ADGRL2: variants seen among roughly 807,000 people sequenced by gnomAD.
ADGRL2 encodes the protein adhesion G protein-coupled receptor L2, also known as calcium-independent alpha-latrotoxin receptor 2.
Under a neutral mutation model 157.4 loss-of-function variants are expected in ADGRL2, and 44 were observed. The ratio of observed to expected loss-of-function variants is 0.28; its 90% CI spans 0.22 to 0.36. The LOEUF (loss-of-function observed/expected upper bound fraction) is 0.36, where lower values mean the gene tolerates loss of function less well. Among genes scored for constraint, ADGRL2 ranks in the 10% least tolerant of loss-of-function variants. The pLI is 1.00. For synonymous variants in ADGRL2, 585 were observed against 624.7 expected (o/e 0.94, Z 0.95); for missense variants, 1,510 against 1,768.9 (o/e 0.85, Z 2.63).
At chr1:81,885,916 C>A (rs960124062) in intron 2 of ADGRL2, among the ~76,000 whole-genome samples, 1 of 152,112 alleles carries the variant, frequency 6.6e-6, no homozygotes, top group African/African-American at 2.4e-5. Context: ...TTAGGCTTAA[C>A]ATGTAGTTTT....
At chr1:81,550,470 G>A (rs528920505) in intron 2 of ADGRL2, among the ~76,000 whole-genome samples, 299 of 152,174 alleles carry the variant, frequency 2.0e-3, no homozygotes, top group African/African-American at 7.1e-3. Context: ...TATTCACAGT[G>A]GAAAAATTCT....
chr1:81,318,428 T>C (rs866687498), intron 1 of ADGRL2, among the ~76,000 whole-genome samples: 11 of 152,312 alleles, frequency 7.2e-5, no homozygotes, highest in South Asian at 2.1e-4. Context: ...AAACAAGTTA[T>C]TTAATTCCCT....
intron 1 of ADGRL2, among the ~76,000 whole-genome samples, chr1:81,738,335 A>G (rs1472150600): frequency 2.0e-5 from 3 of 152,172 alleles, no homozygotes; most frequent in Admixed American, 6.6e-5. Context: ...ACACTCAGCA[A>G]CTATTGAAGA....
At chr1:81,758,851 A>C (rs1356998652) in intron 1 of ADGRL2, among the ~76,000 whole-genome samples, 1 of 152,204 alleles carries the variant, frequency 6.6e-6, no homozygotes, top group East Asian at 1.9e-4. Flanking sequence ...TTAGTTTTCT[A>C]AGACATTTAC....
intron 1 of ADGRL2, chr1:81,721,721 G>A (rs2149127864): frequency 1.4e-6 from 2 of 1,397,050 alleles, no homozygotes; most frequent in African/African-American, 1.4e-5. Context: ...GAACGAGCAG[G>A]CCCTTGTGAA....
At chr1:81,613,216 T>C (rs542282011) in intron 3 of ADGRL2, among the ~76,000 whole-genome samples, 4 of 152,202 alleles carry the variant, frequency 2.6e-5, no homozygotes, top group Admixed American at 6.5e-5. Context: ...GTTGTTGTGA[T>C]GATTACAAAG....
rs996960930 is a variant in ADGRL2, at chr1:81,800,934, G to C, written c.-235G>C. 6.0e-5 allele frequency among the ~76,000 whole-genome samples: 9 copies of C among 149,020 alleles called. No homozygotes were observed. The highest frequency in any genetic ancestry group is 1.9e-4 in the African/African-American group (8 of 41,098). On this transcript the variant is annotated 5_prime_UTR_variant, in exon 1 of 24. Coordinates refer to ENST00000686636, the MANE Select transcript of ADGRL2 (RefSeq NM_001366006.2). ...AGGCCGCCTCCGGGGCGCGTTCCAC[G>C]GCCGTGCGCGCGCGTCCCTCGCCGC...
chr1:81,960,403 G>A (rs1297456803), intron 11 of ADGRL2, among the ~76,000 whole-genome samples: 2 of 151,864 alleles, frequency 1.3e-5, no homozygotes, highest in Non-Finnish European at 2.9e-5. Context: ...TTTTCAGATC[G>A]GTTCCATGGT....
At chr1:81,681,283 C>G (rs1005747524) in intron 3 of ADGRL2, among the ~76,000 whole-genome samples, 2 of 152,226 alleles carry the variant, frequency 1.3e-5, no homozygotes, top group Admixed American at 1.3e-4. Context: ...TCTCATTCTT[C>G]TTGCCAGTAA....
intron 2 of ADGRL2, among the ~76,000 whole-genome samples, chr1:81,500,164 A>C (rs1425993724): frequency 6.6e-6 from 1 of 152,212 alleles, no homozygotes; most frequent in Non-Finnish European, 1.5e-5. Context: ...AAGTGTTAAC[A>C]AGGATGTGAA....
chr1:81,451,645 A>C (rs2077704289), intron 2 of ADGRL2, among the ~76,000 whole-genome samples: 1 of 152,140 alleles, frequency 6.6e-6, no homozygotes, highest in Non-Finnish European at 1.5e-5. Context: ...CCAAGTAATC[A>C]GTAGGAGATT....
In ADGRL2 at chr1:81,427,268, G is replaced by C. The variant is rs181685075; in HGVS notation, c.-301-17768G>C. The C allele has an allele frequency of 8.7e-5, 65 of 744,968 alleles. 1 individual carries two copies. Among genetic ancestry groups the C allele is most frequent in the African/African-American group, 6.0e-4 (35 of 58,686 alleles). 46.1% of individuals were successfully genotyped at this position (744,968 alleles called of 1,614,324 possible). On this transcript the variant is annotated intron_variant, in intron 1 of 24. Coordinates refer to the ADGRL2 transcript ENST00000370721. ...TGGCAGCGGAAATAGTTATGAAGGA[G>C]GTGATGGTGGATATAATGGACTTAG...
chr1:81,533,207 C>T (rs950220920), intron 2 of ADGRL2, among the ~76,000 whole-genome samples: 2 of 151,938 alleles, frequency 1.3e-5, no homozygotes, highest in African/African-American at 2.4e-5. Flanking sequence ...GGTGAAGCCC[C>T]GTCTCTACTA....
intron 21 of ADGRL2, among the ~76,000 whole-genome samples, chr1:81,985,609 C>T (rs1238471498): frequency 6.6e-6 from 1 of 151,818 alleles, no homozygotes; most frequent in African/African-American, 2.4e-5. Context: ...AGTTACTATT[C>T]ACATGAAACA....
At chr1:81,715,249 A>C (rs1284843787) in intron 1 of ADGRL2, among the ~76,000 whole-genome samples, 5 of 151,930 alleles carry the variant, frequency 3.3e-5, no homozygotes, top group Admixed American at 6.6e-5. Context: ...AATGTACAGA[A>C]GAAAAAGCCA....
At chr1:81,600,015 G>T (rs912332923) in intron 3 of ADGRL2, among the ~76,000 whole-genome samples, 1 of 152,186 alleles carries the variant, frequency 6.6e-6, no homozygotes, top group African/African-American at 2.4e-5. Flanking sequence ...GCCTTTACAA[G>T]AGAAACTGTA....
In ADGRL2 at chr1:81,912,603, A is replaced by G. The variant is rs573304383; in HGVS notation, c.287+5373A>G. On this transcript the variant is annotated intron_variant, in intron 3 of 23. Coordinates refer to ENST00000686636, the MANE Select transcript of ADGRL2 (RefSeq NM_001366006.2). ...ATAAATGATATCACCCACAGAGATT[A>G]TGTAATTTGAGTACGCAAAACCTGC... 8.5e-5 allele frequency among the ~76,000 whole-genome samples: 13 copies of G among 152,258 alleles called. No individual in the cohort carries two copies. The South Asian group carries it at 2.1e-3, about 24-fold the overall frequency.
chr1:81,896,828 T>C (rs146357130), intron 2 of ADGRL2, among the ~76,000 whole-genome samples: 1,714 of 152,302 alleles, frequency 0.011, 26 homozygotes, highest in South Asian at 0.06. Flanking sequence ...CCTGCTCTGA[T>C]AGAGGAGCTC....
intron 1 of ADGRL2, among the ~76,000 whole-genome samples, chr1:81,713,022 T>A (rs780065179): frequency 1.3e-5 from 2 of 152,118 alleles, no homozygotes; most frequent in African/African-American, 2.4e-5. Context: ...CCTCCCAAAG[T>A]GCTGGGATTA....
Sources: allele counts gnomAD v4.1 joint callset (sites outside exome capture counted in the v4.1 genomes callset), GRCh38; gene constraint gnomAD v4.1.1; transcripts MANE v1.5; gene names NCBI Gene and HGNC (gene_info 2026-07-23, HGNC 2026-07-21).